Variants in DDX52 observed in about 807,000 individuals in gnomAD.
DDX52 encodes DExD-box helicase 52.
Under a neutral mutation model 76.1 loss-of-function variants are expected in DDX52, and 59 were observed. The ratio of observed to expected loss-of-function variants is 0.78; its 90% CI spans 0.63 to 0.96. DDX52 has a LOEUF of 0.96. DDX52 is among the 40% of genes least tolerant of loss of function. The pLI, the probability that DDX52 is intolerant of heterozygous loss-of-function variation, is 0.00. For missense variants in DDX52, 707 were observed against 703.9 expected (o/e 1.00, Z -0.05); for synonymous variants, 231 against 244.1 (o/e 0.95, Z 0.50).
At position 37,628,637 on chromosome 17, in the gene DDX52, T is replaced by C. The variant is rs2030513601; in HGVS notation, c.783A>G (p.Thr261=). ...TGTGGATCATGTGTATTCTGAATCC[T>C]GTTCCCTCAGAAATTTTTATTAACT... ...HRELIKISEG[T]GFRIHMIHKA... The change falls in exon 6 of 15, where the codon ACA becomes ACG. Residue 261 remains threonine, a synonymous_variant. Transcript: ENST00000617633. The C allele has an allele frequency of 6.9e-6, 11 of 1,604,810 alleles. No individual in the cohort carries two copies. The highest frequency in any genetic ancestry group is 3.3e-4 in the Middle Eastern group (2 of 6,038).
Position 37,618,286 on chromosome 17 carries a change from A to G in DDX52, c.1742+6T>C. ...CAAACAGCCATTTTTCTTACCACAT[A>G]CTTACTGTTTATCCTTAGCTTTTTC... On this transcript the variant is annotated splice_donor_region_variant and intron_variant, in intron 14 of 14. Coordinates refer to ENST00000617633, the MANE Select transcript of DDX52 (RefSeq NM_007010.5). 1 of 1,590,928 alleles carries G rather than the reference A, an allele frequency of 6.3e-7. No individual in the cohort carries two copies.
chr17:37,637,014 G>C (rs1465219364), intron 2 of DDX52, among the ~76,000 whole-genome samples: 1 of 152,196 alleles, frequency 6.6e-6, no homozygotes, highest in Non-Finnish European at 1.5e-5. Flanking sequence ...AGCCAGGCTA[G>C]AGTATACAGG....
intron 14 of DDX52, among the ~76,000 whole-genome samples, chr17:37,615,351 T>C (rs1021966061): frequency 3.3e-5 from 5 of 152,090 alleles, no homozygotes; most frequent in African/African-American, 1.2e-4. Flanking sequence ...ATATCAAGTG[T>C]CTTCGAAGTC....
rs184422088 is a variant in DDX52 at position 37,618,421 on chromosome 17, T to G, written c.1650-37A>C. The G allele has an allele frequency of 5.3e-6, 8 of 1,500,878 alleles. No individual in the cohort carries two copies. In the African/African-American group the frequency reaches 1.1e-4, roughly 21 times the overall value. 93.0% of individuals were successfully genotyped at this position (1,500,878 alleles called of 1,614,324 possible). A position where few individuals can be genotyped will look rare whatever the true frequency, so the allele number is the denominator to read the frequency against. ...AAAGTAAAAAAGGAAAAGAATTAAG[T>G]GCAACTTCAATTAGAAGAGTTAAAG... On this transcript the variant is annotated intron_variant, in intron 13 of 14. Coordinates refer to ENST00000617633, the MANE Select transcript of DDX52 (RefSeq NM_007010.5).
chr17:37,628,974 T>C (rs1199507494), intron 5 of DDX52, among the ~76,000 whole-genome samples: 1 of 152,150 alleles, frequency 6.6e-6, no homozygotes, highest in Non-Finnish European at 1.5e-5. Flanking sequence ...TCCCAGCGCT[T>C]TGGGAGGCCA....
chr17:37,610,268 C>G lies in DDX52; in HGVS notation c.*4028G>C, dbSNP rs1364840304. 6.7e-6 allele frequency: 1 copy of G among 149,348 alleles called. No individual in the cohort carries two copies. Among genetic ancestry groups the G allele is most frequent in the African/African-American group, 2.5e-5 (1 of 40,414 alleles). 9.3% of individuals were successfully genotyped at this position (149,348 alleles called of 1,614,324 possible). ...CCTCCTGAGTAGCTGGGACCACAGGCATGCACCACCACACCGGGCCAATTT... is the reference window on the plus strand; with the variant it reads ...CCTCCTGAGTAGCTGGGACCACAGGGATGCACCACCACACCGGGCCAATTT... On this transcript the variant is annotated 3_prime_UTR_variant, in exon 15 of 15. Coordinates refer to ENST00000617633, the MANE Select transcript of DDX52 (RefSeq NM_007010.5).
rs1402491403 is a variant in DDX52, at chr17:37,610,048, TTGCAGGCAAG to T, written c.*4238_*4247del. Reference sequence around the variant, plus strand: ...TACAGTCCTTTTGTTTTTCCTATTCTTGCAGGCAAGTGCAAAACAGTGGTTTTTGGAAGGC... The same window carrying T: ...TACAGTCCTTTTGTTTTTCCTATTCTTGCAAAACAGTGGTTTTTGGAAGGC... On this transcript the variant is annotated 3_prime_UTR_variant, in exon 15 of 15. Coordinates refer to ENST00000617633, the MANE Select transcript of DDX52 (RefSeq NM_007010.5). 1 of 152,254 alleles carries T rather than the reference TTGCAGGCAAG, an allele frequency of 6.6e-6. No homozygotes were observed. Among genetic ancestry groups the T allele is most frequent in the Non-Finnish European group, 1.5e-5 (1 of 68,068 alleles). The allele number at this position is 152,254 out of a possible 1,614,324, so 9.4% of individuals were successfully genotyped here. A position where few individuals can be genotyped will look rare whatever the true frequency, so the allele number is the denominator to read the frequency against.
At chr17:37,619,944 A>C in intron 12 of DDX52, 105 bp from the exon 13 acceptor site, 1 of 1,075,608 alleles carries the variant, frequency 9.3e-7, no homozygotes, top group Non-Finnish European at 1.4e-6. Context: ...TACACAAAGT[A>C]ATCCACAAAG....
rs146331062 is a variant in DDX52 at position 37,642,207 on chromosome 17, T to G, written c.189A>C (p.Gln63His). ...CTCCATTTTGGGGCTTCTGATGTGT[T>G]TGTGATGCTCCACACACACCTGGGA... ...KSVPGVCGAS[Q>H]THQKPQNGEK... The change falls in exon 2 of 15, where the codon CAA becomes CAC. Residue 63 changes from glutamine to histidine, a missense_variant. Coordinates refer to ENST00000617633, the MANE Select transcript of DDX52 (RefSeq NM_007010.5). 4.3e-6 allele frequency: 7 copies of G among 1,614,072 alleles called. No individual in the cohort carries two copies. The African/African-American group carries it at 9.3e-5, about 22-fold the overall frequency.
rs1386878066 is a variant in DDX52, at chr17:37,611,725, C to T, written c.*2571G>A. 4 of 126,980 alleles carry T rather than the reference C, an allele frequency of 3.2e-5. No homozygotes were observed. The highest frequency in any genetic ancestry group is 1.3e-4 in the African/African-American group (4 of 31,662). 7.9% of individuals were successfully genotyped at this position (126,980 alleles called of 1,614,324 possible). A position where few individuals can be genotyped will look rare whatever the true frequency, so the allele number is the denominator to read the frequency against. On this transcript the variant is annotated 3_prime_UTR_variant, in exon 15 of 15. Transcript: ENST00000617633. ...CTCCAGCCTGGGCAACAGAGCAAGA[C>T]TCCATCTCCAAAAAAAAAAAAAAAA...
In DDX52 at chr17:37,630,058, A is replaced by C; in HGVS notation, c.719T>G (p.Ile240Arg). ...PANKGFRALIISPTRELASQI... is the reference protein window; with the variant it reads ...PANKGFRALIRSPTRELASQI... ...GCTGGCAAGTTCTCGTGTTGGTGAT[A>C]TAATCAGGGCTCTGAAGCCTTTATT... Residue 240 changes from isoleucine to arginine, a missense_variant, in exon 5 of 15, where the codon ATA (isoleucine) becomes AGA (arginine). Coordinates refer to ENST00000617633, the MANE Select transcript of DDX52 (RefSeq NM_007010.5). 1 of 1,613,120 alleles carries C rather than the reference A, an allele frequency of 6.2e-7. No individual in the cohort carries two copies. The highest frequency in any genetic ancestry group is 8.5e-7 in the Non-Finnish European group (1 of 1,179,752).
chr17:37,610,583 G>A lies in DDX52; in HGVS notation c.*3713C>T, dbSNP rs985185743. ...CAAGGTTTTTACTGGGTAATAATTT[G>A]TAATAAGTTATTAGGCACAAACCAC... On this transcript the variant is annotated 3_prime_UTR_variant, in exon 15 of 15. Transcript: ENST00000617633. 4.6e-5 allele frequency: 7 copies of A among 152,124 alleles called. No homozygotes were observed. Among genetic ancestry groups the A allele is most frequent in the South Asian group, 4.1e-4 (2 of 4,822 alleles). 9.4% of individuals were successfully genotyped at this position (152,124 alleles called of 1,614,324 possible). A position where few individuals can be genotyped will look rare whatever the true frequency, so the allele number is the denominator to read the frequency against.
Position 37,611,755 on chromosome 17 carries a change from A to AAAAAAAAAG in DDX52, c.*2540_*2541insCTTTTTTTT. On this transcript the variant is annotated 3_prime_UTR_variant, in exon 15 of 15. Transcript: ENST00000617633. ...TCTCCAAAAAAAAAAAAAAAAAAAA[A>AAAAAAAAAG]TCTAAAAAACCCAACTGGACAACAA... 1 of 138,356 alleles carries AAAAAAAAAG rather than the reference A, an allele frequency of 7.2e-6. No homozygotes were observed. The highest frequency in any genetic ancestry group is 1.6e-5 in the Non-Finnish European group (1 of 64,392). 8.6% of individuals were successfully genotyped at this position (138,356 alleles called of 1,614,324 possible). A position where few individuals can be genotyped will look rare whatever the true frequency, so the allele number is the denominator to read the frequency against.
intron 2 of DDX52, chr17:37,639,504 A>G (rs1598770445): frequency 2.1e-6 from 2 of 949,368 alleles, no homozygotes; most frequent in South Asian, 4.1e-5. Context: ...TTGGGAGCCC[A>G]AGGTGGGTGA....
At chr17:37,617,435 C>T (rs1191361968) in intron 14 of DDX52, among the ~76,000 whole-genome samples, 1 of 152,170 alleles carries the variant, frequency 6.6e-6, no homozygotes. Context: ...TTCAAAATAT[C>T]TTGGCCTATC....
At chr17:37,616,325 A>G (rs2064424821) in intron 14 of DDX52, among the ~76,000 whole-genome samples, 1 of 152,170 alleles carries the variant, frequency 6.6e-6, no homozygotes, top group African/African-American at 2.4e-5. Context: ...AGTGTCACCC[A>G]GAAACTGTTG....
chr17:37,616,977 T>TA (rs1046631631), intron 14 of DDX52, among the ~76,000 whole-genome samples: 23 of 152,346 alleles, frequency 1.5e-4, no homozygotes, highest in South Asian at 2.1e-4. Context: ...TACCTATCCT[T>TA]AAAGATAGTT....
Position 37,643,439 on chromosome 17 carries a change from A to C in DDX52, c.-19T>G. On this transcript the variant is annotated 5_prime_UTR_variant, in exon 1 of 15. Coordinates refer to ENST00000617633, the MANE Select transcript of DDX52 (RefSeq NM_007010.5). Reference sequence around the variant, plus strand: ...CGTCCATCTTTACCCAGAAAGCGCCACAGTTCTACGGCGCCTGCGCAGACT... The same window carrying C: ...CGTCCATCTTTACCCAGAAAGCGCCCCAGTTCTACGGCGCCTGCGCAGACT... The C allele has an allele frequency of 6.2e-7, 1 of 1,613,218 alleles. No homozygotes were observed. Among genetic ancestry groups the C allele is most frequent in the Non-Finnish European group, 8.5e-7 (1 of 1,179,694 alleles).
chr17:37,642,424 G>T, intron 1 of DDX52, 116 bp from the exon 2 acceptor site: 1 of 1,180,544 alleles, frequency 8.5e-7, no homozygotes, highest in Non-Finnish European at 1.2e-6. Flanking sequence ...TATCTGTCGA[G>T]CTAACAGGTG....
Sources: allele counts gnomAD v4.1 joint callset (sites outside exome capture counted in the v4.1 genomes callset), GRCh38; gene constraint gnomAD v4.1.1; transcripts MANE v1.5; gene names NCBI Gene and HGNC (gene_info 2026-07-23, HGNC 2026-07-21).